ARHGEF28: variants seen among roughly 807,000 people sequenced by gnomAD.
The protein encoded by ARHGEF28 is 190 kDa guanine nucleotide exchange factor.
In ARHGEF28, 152 loss-of-function variants were observed where a neutral mutation model predicts 206.6. The observed-to-expected ratio is 0.74, with a 90% CI of 0.64 to 0.84. The LOEUF (loss-of-function observed/expected upper bound fraction) is 0.84, where lower values mean the gene tolerates loss of function less well. Among genes scored for constraint, ARHGEF28 ranks in the 40% least tolerant of loss-of-function variants. ARHGEF28 has a pLI of 0.00. For missense variants in ARHGEF28, 2,028 were observed against 2,073.2 expected, an observed-to-expected ratio of 0.98 and a Z score of 0.42; for synonymous variants, 763 against 776.4, an observed-to-expected ratio of 0.98 and a Z score of 0.29.
intron 24 of ARHGEF28, among the ~76,000 whole-genome samples, chr5:73,885,517 C>T (rs959455966): frequency 6.8e-6 from 1 of 146,772 alleles, no homozygotes; most frequent in African/African-American, 2.5e-5. Flanking sequence ...CACTCTGTCT[C>T]GTAGGCTGGA....
intron 35 of ARHGEF28, among the ~76,000 whole-genome samples, chr5:73,914,924 A>G (rs1442308893): frequency 6.6e-6 from 1 of 152,126 alleles, no homozygotes; most frequent in East Asian, 1.9e-4. Context: ...GCTTTTTTGT[A>G]GAGACGGGGT....
At chr5:73,800,791 G>A (rs940424859) in intron 9 of ARHGEF28, among the ~76,000 whole-genome samples, 2 of 152,120 alleles carry the variant, frequency 1.3e-5, no homozygotes, top group African/African-American at 4.8e-5. Flanking sequence ...GAGAAACAAA[G>A]CCTCCCCACC....
intron 22 of ARHGEF28, among the ~76,000 whole-genome samples, chr5:73,875,448 C>T (rs1465067827): frequency 6.7e-6 from 1 of 148,256 alleles, no homozygotes. Context: ...TCAATTTTGG[C>T]TTTTGTTGCC....
Position 73,940,992 on chromosome 5 carries a change from A to G in ARHGEF28, c.5097A>G (p.Lys1699=). 6.6e-7 allele frequency: 1 copy of G among 1,520,682 alleles called. No homozygotes were observed. The highest frequency in any genetic ancestry group is 8.8e-7 in the Non-Finnish European group (1 of 1,142,634). 94.2% of individuals were successfully genotyped at this position (1,520,682 alleles called of 1,614,324 possible). A position where few individuals can be genotyped will look rare whatever the true frequency, so the allele number is the denominator to read the frequency against. Residue 1699 remains lysine (K), a synonymous_variant, in exon 36 of 36, where the codon AAA becomes AAG. Transcript: ENST00000513042. ...RQDGETGDGA[K]ENIVYL is the part of the protein sequence containing the mutation. ...ATGGGGAAACTGGAGATGGAGCCAA[A>G]GAAAATATTGTTTACCTCTAATTGT...
intron 1 of ARHGEF28, among the ~76,000 whole-genome samples, chr5:73,650,370 C>T (rs754923367): frequency 3.8e-4 from 57 of 149,436 alleles, no homozygotes; most frequent in Non-Finnish European, 6.5e-4. Flanking sequence ...CTGCAACTTC[C>T]GCCTCTTGGG....
chr5:73,840,712 T>C lies in ARHGEF28; in HGVS notation c.1379T>C (p.Phe460Ser), dbSNP rs1579969800. ...TGTGCTTCCAACTTGAATCTTTCTT[T>C]TGGTTGGCATGGATTTGAAAAGGAA... is the stretch of plus-strand genomic sequence containing the variant. ...SSCASNLNLS[F>S]GWHGFEKEQS... The change falls in exon 11 of 36, where the codon TTT (phenylalanine) becomes TCT (serine). Residue 460 changes from phenylalanine to serine, a missense_variant. Physicochemically the swap from Phe to Ser is radical, Grantham distance 155. Around this residue, in one of 3 missense-constraint regions of ARHGEF28, gnomAD observed 1,002 missense variants for 1,015.3 expected, o/e 0.99. Coordinates refer to ENST00000513042, the MANE Select transcript of ARHGEF28 (RefSeq NM_001177693.2). 1.2e-6 allele frequency: 2 copies of C among 1,612,060 alleles called. No individual in the cohort carries two copies. Among genetic ancestry groups the C allele is most frequent in the East Asian group, 4.5e-5 (2 of 44,848 alleles).
At chr5:73,691,711 T>C (rs141129033) in intron 2 of ARHGEF28, among the ~76,000 whole-genome samples, 2 of 152,344 alleles carry the variant, frequency 1.3e-5, no homozygotes, top group African/African-American at 4.8e-5. Flanking sequence ...TTCTGTATCT[T>C]TTCCAACTCA....
intron 1 of ARHGEF28, among the ~76,000 whole-genome samples, chr5:73,648,498 G>T (rs1038824668): frequency 1.3e-5 from 2 of 152,192 alleles, no homozygotes; most frequent in Admixed American, 6.5e-5. Flanking sequence ...ATTACCAGAA[G>T]TCAACAAGTC....
chr5:73,821,697 G>T (rs1756596297), intron 9 of ARHGEF28, among the ~76,000 whole-genome samples: 1 of 151,988 alleles, frequency 6.6e-6, no homozygotes, highest in African/African-American at 2.4e-5. Context: ...CTCTCGGTTT[G>T]CCAATTTTTC....
At position 73,894,477 on chromosome 5, in the gene ARHGEF28, G is replaced by C. The variant is rs528800193; in HGVS notation, c.3743G>C (p.Gly1248Ala). 1.9e-6 allele frequency: 3 copies of C among 1,613,828 alleles called. No individual in the cohort carries two copies. The highest frequency in any genetic ancestry group is 1.3e-5 in the African/African-American group (1 of 74,934). The part of the protein sequence containing the change: ...HIYAELGELS[G>A]FEDVHLEPHL... ...TATGCTGAACTTGGAGAACTGAGCG[G>C]ATTTGAGGACGTCCATCTAGAGCCC... is the stretch of plus-strand genomic sequence containing the variant. The change falls in exon 29 of 36, where the codon GGA (glycine) becomes GCA (alanine). Residue 1248 changes from glycine (G) to alanine (A), a missense_variant. Coordinates refer to ENST00000513042, the MANE Select transcript of ARHGEF28 (RefSeq NM_001177693.2).
intron 7 of ARHGEF28, among the ~76,000 whole-genome samples, chr5:73,784,826 T>G (rs188424226): frequency 5.9e-5 from 9 of 152,182 alleles, no homozygotes; most frequent in African/African-American, 2.2e-4. Context: ...AGTAGAACAA[T>G]TATAACAATA....
At chr5:73,794,335 C>CTCG in intron 7 of ARHGEF28, 67 bp from the exon 8 acceptor site, 2 of 1,225,706 alleles carry the variant, frequency 1.6e-6, no homozygotes, top group Non-Finnish European at 2.2e-6. Context: ...CACTTGTCAG[C>CTCG]TAGTAGTTGT....
At chr5:73,915,651 TA>T (rs963400235) in intron 35 of ARHGEF28, among the ~76,000 whole-genome samples, 7 of 152,246 alleles carry the variant, frequency 4.6e-5, no homozygotes, top group African/African-American at 1.7e-4. Flanking sequence ...GAAACAACAA[TA>T]AAAAAACCCA....
intron 35 of ARHGEF28, among the ~76,000 whole-genome samples, chr5:73,926,338 G>A (rs959474808): frequency 3.9e-5 from 6 of 152,222 alleles, no homozygotes; most frequent in East Asian, 1.9e-4. Flanking sequence ...TGCCTCTCTC[G>A]TTTCAGGGTG....
At chr5:73,932,879 G>A (rs283633) in intron 35 of ARHGEF28, among the ~76,000 whole-genome samples, 67,790 of 142,876 alleles carry the variant, frequency 0.47, 17,160 homozygotes, top group African/African-American at 0.66. Flanking sequence ...CGCGATCTCG[G>A]CTCACTGCAA....
chr5:73,852,605 A>G, intron 13 of ARHGEF28, 45 bp from the exon 14 acceptor site: 2 of 1,581,320 alleles, frequency 1.3e-6, no homozygotes, highest in Non-Finnish European at 1.7e-6. Context: ...TATGACTGCC[A>G]GTTTGTGTGC....
chr5:73,888,155 C>T (rs1376988767), intron 26 of ARHGEF28, among the ~76,000 whole-genome samples: 1 of 152,246 alleles, frequency 6.6e-6, no homozygotes, highest in African/African-American at 2.4e-5. Context: ...CCTGCTCTCC[C>T]ACTTACTAAC....
rs189189197 is a variant in ARHGEF28 at position 73,860,148 on chromosome 5, C to T, written c.2047+1929C>T. Among the ~76,000 whole-genome samples the T allele has an allele frequency of 3.2e-4, 48 of 152,272 alleles. No individual in the cohort carries two copies. The East Asian group carries it at 7.1e-3, about 23-fold the overall frequency. On this transcript the variant is annotated intron_variant, in intron 16 of 35. Transcript: ENST00000513042. ...GTCTCCTTTTCCCTAATACTGGGTA[C>T]GCGCAGAAATTAGTTCTTGGGCACT...
chr5:73,828,724 C>T (rs1757088164), intron 9 of ARHGEF28, among the ~76,000 whole-genome samples: 2 of 147,546 alleles, frequency 1.4e-5, no homozygotes, highest in African/African-American at 5.0e-5. Context: ...CTCTTTCTTT[C>T]TCTCTGTCTT....
Sources: allele counts gnomAD v4.1 joint callset (sites outside exome capture counted in the v4.1 genomes callset), GRCh38; gene constraint gnomAD v4.1.1; regional missense constraint gnomAD v4.1.1; transcripts MANE v1.5; gene names NCBI Gene and HGNC (gene_info 2026-07-23, HGNC 2026-07-21).